Variants in PRR16 observed in about 807,000 individuals in gnomAD.
PRR16 encodes the protein proline rich 16.
Under a neutral mutation model 18.2 loss-of-function variants are expected in PRR16, and 6 were observed. The observed-to-expected ratio is 0.33, with a 90% CI of 0.18 to 0.65. The LOEUF is 0.65. PRR16 is among the 30% of genes least tolerant of loss of function. The probability of loss-of-function intolerance (pLI) is 0.74; values close to 1 mark genes in which losing one functional copy is unlikely to be tolerated. For synonymous variants in PRR16, 151 were observed against 147.8 expected (o/e 1.02, Z -0.16); for missense variants, 412 against 376.6 (o/e 1.09, Z -0.78).
At chr5:120,775,800 T>C in the PRR16 span, among the ~76,000 whole-genome samples, 5 of 105,314 alleles carry the variant, frequency 4.7e-5, no homozygotes, top group Non-Finnish European at 7.5e-5. Context: ...CTGGCTATTT[T>C]TTTTTTTTTT....
intron 1 of PRR16, among the ~76,000 whole-genome samples, chr5:120,499,021 T>G (rs1009421043): frequency 1.4e-4 from 21 of 152,138 alleles, no homozygotes; most frequent in Admixed American, 9.2e-4. Flanking sequence ...AGATTTATCC[T>G]ATTTGGGGTT....
chr5:120,665,655 C>G (rs1431830476), intron 1 of PRR16, among the ~76,000 whole-genome samples: 13 of 152,054 alleles, frequency 8.5e-5, no homozygotes, highest in Non-Finnish European at 1.5e-5. Context: ...GGAAGGGATC[C>G]AGTTTCAGCT....
rs549441774 is a variant in PRR16, at chr5:120,582,189, G to T, written c.160-103765G>T. 6.6e-5 allele frequency among the ~76,000 whole-genome samples: 10 copies of T among 152,174 alleles called. No individual in the cohort carries two copies. The East Asian group carries it at 7.7e-4, about 12-fold the overall frequency. On this transcript the variant is annotated intron_variant, in intron 1 of 1. Transcript: ENST00000407149. Reference sequence around the variant, plus strand: ...GGAGCTGGAGATCATTATCCTAAGAGAACTAACTCAGAAACAGAAAATGAA... The same window carrying T: ...GGAGCTGGAGATCATTATCCTAAGATAACTAACTCAGAAACAGAAAATGAA...
intron 1 of PRR16, among the ~76,000 whole-genome samples, chr5:120,553,478 A>G (rs918771136): frequency 6.6e-5 from 10 of 151,888 alleles, no homozygotes; most frequent in Admixed American, 1.3e-4. Context: ...TTCAATCTGA[A>G]TATCTTTATT....
chr5:120,592,732 C>T (rs1172714874), intron 1 of PRR16, among the ~76,000 whole-genome samples: 1 of 152,056 alleles, frequency 6.6e-6, no homozygotes, highest in Non-Finnish European at 1.5e-5. Flanking sequence ...CTTTAGATTT[C>T]ATAATAATGG....
intron 1 of PRR16, among the ~76,000 whole-genome samples, chr5:120,678,222 G>A (rs898581526): frequency 2.6e-5 from 4 of 152,064 alleles, no homozygotes; most frequent in South Asian, 2.1e-4. Flanking sequence ...TTGGAGCAAG[G>A]CTTTACGAGT....
At chr5:120,647,220 A>G (rs551657730) in intron 1 of PRR16, among the ~76,000 whole-genome samples, 1 of 152,120 alleles carries the variant, frequency 6.6e-6, no homozygotes, top group African/African-American at 2.4e-5. Flanking sequence ...GAATACATTA[A>G]CAAATTTTGC....
chr5:120,783,954 G>A, the PRR16 span, among the ~76,000 whole-genome samples: 1 of 152,036 alleles, frequency 6.6e-6, no homozygotes, highest in African/African-American at 2.4e-5. Flanking sequence ...CTATGAACGA[G>A]AACATGTGTA....
At chr5:120,564,803 G>T (rs1214905708) in intron 1 of PRR16, among the ~76,000 whole-genome samples, 1 of 152,014 alleles carries the variant, frequency 6.6e-6, no homozygotes, top group Non-Finnish European at 1.5e-5. Flanking sequence ...TGGCTAAAAT[G>T]GTGAAACCCC....
At chr5:120,525,849 T>A (rs1326550435) in intron 1 of PRR16, among the ~76,000 whole-genome samples, 6 of 152,266 alleles carry the variant, frequency 3.9e-5, no homozygotes, top group African/African-American at 1.2e-4. Context: ...AGCACATTTT[T>A]TAATGAGGCA....
chr5:120,767,562 T>C, the PRR16 span, among the ~76,000 whole-genome samples: 34 of 151,918 alleles, frequency 2.2e-4, no homozygotes, highest in African/African-American at 8.2e-4. Context: ...TTTTTTGTCA[T>C]CTGAGTCCTA....
At chr5:120,595,526 C>T (rs180946964) in intron 1 of PRR16, among the ~76,000 whole-genome samples, 19 of 151,714 alleles carry the variant, frequency 1.3e-4, no homozygotes, top group East Asian at 5.8e-4. Flanking sequence ...CAACCATTGT[C>T]GGAAGTAGTG....
chr5:120,642,259 TG>T (rs1297382949), intron 1 of PRR16, among the ~76,000 whole-genome samples: 3 of 119,524 alleles, frequency 2.5e-5, no homozygotes, highest in Non-Finnish European at 5.9e-5. Flanking sequence ...CTTCAACAGC[TG>T]TTTTTTTTTT....
At chr5:120,641,272 C>T (rs1448728402) in intron 1 of PRR16, among the ~76,000 whole-genome samples, 2 of 152,092 alleles carry the variant, frequency 1.3e-5, no homozygotes, top group Non-Finnish European at 2.9e-5. Flanking sequence ...GGGGGATCAA[C>T]AGTTAAGTTT....
At chr5:120,694,451 G>C in the PRR16 span, among the ~76,000 whole-genome samples, 1 of 152,104 alleles carries the variant, frequency 6.6e-6, no homozygotes, top group East Asian at 1.9e-4. Context: ...TTGGGAGACC[G>C]AGGCGGGCGG....
chr5:120,561,826 T>C (rs1193909383), intron 1 of PRR16, among the ~76,000 whole-genome samples: 2 of 152,146 alleles, frequency 1.3e-5, no homozygotes, highest in Non-Finnish European at 2.9e-5. Flanking sequence ...CCTCATTCTT[T>C]CTCTTGCCAC....
chr5:120,669,852 C>A (rs770897618), intron 1 of PRR16, among the ~76,000 whole-genome samples: 1 of 151,724 alleles, frequency 6.6e-6, no homozygotes, highest in African/African-American at 2.4e-5. Flanking sequence ...TAATGAAGTA[C>A]AATAGAAATA....
intron 1 of PRR16, among the ~76,000 whole-genome samples, chr5:120,512,730 G>A (rs1449768943): frequency 1.3e-5 from 2 of 152,032 alleles, no homozygotes; most frequent in African/African-American, 4.8e-5. Context: ...TTGCTGGTAG[G>A]GAGGTTCAGG....
At chr5:120,784,000 T>C in the PRR16 span, among the ~76,000 whole-genome samples, 1 of 151,804 alleles carries the variant, frequency 6.6e-6, no homozygotes, top group African/African-American at 2.4e-5. Flanking sequence ...TCACTTGACA[T>C]AATGTCCTCC....
Sources: allele counts gnomAD v4.1 joint callset (sites outside exome capture counted in the v4.1 genomes callset), GRCh38; gene constraint gnomAD v4.1.1; transcripts MANE v1.5; gene names NCBI Gene and HGNC (gene_info 2026-07-23, HGNC 2026-07-21).